The following CCDC68 variants were observed in gnomAD, a reference collection of about 807,000 sequenced individuals.
The protein encoded by CCDC68 is coiled-coil domain containing 68.
CCDC68 carries 45 observed loss-of-function variants against 47.1 expected under a neutral mutation model. That is an observed-to-expected ratio of 0.96 (90% CI 0.75 to 1.23). The LOEUF (loss-of-function observed/expected upper bound fraction) is 1.23, where lower values mean the gene tolerates loss of function less well. CCDC68 is among the 50% of genes most tolerant of loss of function. CCDC68 has a pLI of 0.00. For synonymous variants in CCDC68, 131 were observed against 129.5 expected (o/e 1.01, Z -0.08); for missense variants, 353 against 373.6 (o/e 0.94, Z 0.45).
intron 1 of CCDC68, among the ~76,000 whole-genome samples, chr18:54,955,138 C>G (rs1272282811): frequency 6.6e-6 from 1 of 151,940 alleles, no homozygotes; most frequent in Non-Finnish European, 1.5e-5. Flanking sequence ...CTGGGTAACA[C>G]AGTGATGCCC....
chr18:54,935,014 T>G, intron 6 of CCDC68, 66 bp from the exon 7 acceptor site: 1 of 1,282,112 alleles, frequency 7.8e-7, no homozygotes, highest in Non-Finnish European at 1.0e-6. Flanking sequence ...ACATATTACC[T>G]CTTTCTATAA....
At chr18:54,929,272 G>C (rs112953017) in intron 7 of CCDC68, among the ~76,000 whole-genome samples, 1 of 152,032 alleles carries the variant, frequency 6.6e-6, no homozygotes, top group South Asian at 2.1e-4. Context: ...TGACTTGTTG[G>C]TATCCAAGGA....
At chr18:54,920,653 C>T (rs1380384554) in intron 8 of CCDC68, among the ~76,000 whole-genome samples, 3 of 152,124 alleles carry the variant, frequency 2.0e-5, no homozygotes, top group South Asian at 2.1e-4. Flanking sequence ...GATACCATCT[C>T]GCAGCAGTCA....
At chr18:54,923,623 T>C (rs1028188462) in intron 8 of CCDC68, among the ~76,000 whole-genome samples, 5 of 152,036 alleles carry the variant, frequency 3.3e-5, no homozygotes, top group Admixed American at 3.3e-4. Context: ...TAGTCATCCA[T>C]TTAAGACCTT....
intron 1 of CCDC68, among the ~76,000 whole-genome samples, chr18:54,951,830 T>C (rs2044624788): frequency 6.6e-6 from 1 of 152,160 alleles, no homozygotes; most frequent in Non-Finnish European, 1.5e-5. Flanking sequence ...TTGGACTCAG[T>C]TGTTCTGCCT....
At chr18:54,918,593 T>C (rs549461447) in intron 9 of CCDC68, among the ~76,000 whole-genome samples, 1 of 152,126 alleles carries the variant, frequency 6.6e-6, no homozygotes, top group Non-Finnish European at 1.5e-5. Context: ...GCTCTCAAAT[T>C]CCACTACTCA....
At chr18:54,954,066 T>G (rs984068889) in intron 1 of CCDC68, among the ~76,000 whole-genome samples, 1 of 146,420 alleles carries the variant, frequency 6.8e-6, no homozygotes, top group Non-Finnish European at 1.5e-5. Flanking sequence ...CTTTTTTTTT[T>G]TTTGTTTCAG....
chr18:54,943,794 T>G (rs1376214541), intron 2 of CCDC68, among the ~76,000 whole-genome samples: 1 of 152,210 alleles, frequency 6.6e-6, no homozygotes, highest in African/African-American at 2.4e-5. Flanking sequence ...GGTAATTGTG[T>G]TAACATCATG....
chr18:54,914,550 C>A (rs2043912100), intron 10 of CCDC68, among the ~76,000 whole-genome samples: 1 of 151,882 alleles, frequency 6.6e-6, no homozygotes, highest in Admixed American at 6.6e-5. Flanking sequence ...CCCGGGAGGC[C>A]AAGGCTGCAG....
At chr18:54,958,985 T>C (rs2044757516) in intron 1 of CCDC68, among the ~76,000 whole-genome samples, 1 of 152,192 alleles carries the variant, frequency 6.6e-6, no homozygotes, top group Non-Finnish European at 1.5e-5. Flanking sequence ...CTTTTCTCCA[T>C]AGCCTCTGAA....
intron 1 of CCDC68, among the ~76,000 whole-genome samples, chr18:54,958,246 C>T (rs1372126858): frequency 2.0e-5 from 3 of 152,190 alleles, no homozygotes; most frequent in Admixed American, 6.5e-5. Flanking sequence ...AGAAATTCCT[C>T]TGTGTCAGGG....
intron 8 of CCDC68, among the ~76,000 whole-genome samples, chr18:54,920,691 A>C (rs1235034917): frequency 6.6e-6 from 1 of 152,250 alleles, no homozygotes; most frequent in Non-Finnish European, 1.5e-5. Flanking sequence ...AAGTAAAAAA[A>C]TAACAGATGT....
intron 8 of CCDC68, among the ~76,000 whole-genome samples, chr18:54,922,819 CA>C (rs2044083192): frequency 6.6e-6 from 1 of 151,746 alleles, no homozygotes; most frequent in Non-Finnish European, 1.5e-5. Context: ...GAGACCCTGT[CA>C]CTACTAAAAA....
Position 54,937,857 on chromosome 18 carries a change from G to T in CCDC68, c.345+100C>A, listed in dbSNP as rs1027247697. On this transcript the variant is annotated intron_variant, in intron 5 of 11. Coordinates refer to ENST00000591504, the MANE Select transcript of CCDC68 (RefSeq NM_025214.3). ...CATGCAGATGGACCTATGGATGTGT[G>T]TGGACATCTCTCTGCTTTTACAGAG... 6 of 990,324 alleles carry T rather than the reference G, an allele frequency of 6.1e-6. No homozygotes were observed. The African/African-American group carries it at 8.1e-5, about 13-fold the overall frequency. The allele number at this position is 990,324 out of a possible 1,614,324, so 61.3% of individuals were successfully genotyped here.
At chr18:54,909,368 G>A (rs889318771) in intron 10 of CCDC68, among the ~76,000 whole-genome samples, 1 of 134,974 alleles carries the variant, frequency 7.4e-6, no homozygotes, top group Non-Finnish European at 1.5e-5. Context: ...TAGTTTAAAA[G>A]GTATTTTCTT....
intron 1 of CCDC68, among the ~76,000 whole-genome samples, chr18:54,955,296 G>T (rs933831659): frequency 2.6e-5 from 4 of 152,176 alleles, no homozygotes; most frequent in African/African-American, 9.7e-5. Context: ...CTGCACTCCA[G>T]CGTCAGTGAC....
At chr18:54,949,593 G>A (rs924276501) in intron 1 of CCDC68, among the ~76,000 whole-genome samples, 5 of 152,238 alleles carry the variant, frequency 3.3e-5, no homozygotes, top group South Asian at 2.1e-4. Flanking sequence ...ATTCACTCAC[G>A]TCTGGGGGCT....
intron 7 of CCDC68, 121 bp downstream of exon 7, chr18:54,934,699 G>T: frequency 1.4e-6 from 1 of 739,290 alleles, no homozygotes; most frequent in Non-Finnish European, 1.9e-6. Flanking sequence ...GAATTGTAAA[G>T]AATACTTTCA....
At chr18:54,948,297 G>A (rs563142836) in intron 1 of CCDC68, among the ~76,000 whole-genome samples, 1 of 152,302 alleles carries the variant, frequency 6.6e-6, no homozygotes, top group East Asian at 1.9e-4. Flanking sequence ...AACACCGAAT[G>A]CCCTGTGAAA....
Sources: gnomAD v4.1 joint callset for allele counts (sites outside exome capture counted in the v4.1 genomes callset) on GRCh38, gnomAD v4.1.1 for gene constraint, MANE v1.5 for transcripts, NCBI Gene and HGNC (gene_info 2026-07-23, HGNC 2026-07-21) for gene names.